NOL4: variants seen among roughly 807,000 people sequenced by gnomAD.
NOL4 encodes nucleolar protein 4.
Under a neutral mutation model 75.9 loss-of-function variants are expected in NOL4, and 17 were observed. The observed-to-expected ratio is 0.22, with a 90% CI of 0.15 to 0.34. The LOEUF (loss-of-function observed/expected upper bound fraction) is 0.34, where lower values mean the gene tolerates loss of function less well. NOL4 is among the 10% of genes least tolerant of loss of function. NOL4 has a pLI of 1.00. For missense variants in NOL4, 614 were observed against 793.5 expected, an observed-to-expected ratio of 0.77 and a Z score of 2.72; for synonymous variants, 292 against 289.9, an observed-to-expected ratio of 1.01 and a Z score of -0.07.
intron 5 of NOL4, among the ~76,000 whole-genome samples, chr18:34,085,816 CTG>C (rs2078215700): frequency 6.6e-6 from 1 of 152,076 alleles, no homozygotes; most frequent in African/African-American, 2.4e-5. Flanking sequence ...GCCTTTTCTT[CTG>C]CTTTTGGAAA....
At chr18:34,089,489 C>G (rs1421476512) in intron 5 of NOL4, among the ~76,000 whole-genome samples, 1 of 152,100 alleles carries the variant, frequency 6.6e-6, no homozygotes, top group Non-Finnish European at 1.5e-5. Context: ...CCACCGGTCA[C>G]ATGTAGCTAT....
chr18:34,013,804 ACT>A (rs1253231894), intron 6 of NOL4, among the ~76,000 whole-genome samples: 2 of 151,402 alleles, frequency 1.3e-5, no homozygotes, highest in African/African-American at 2.4e-5. Context: ...AATGATAGAG[ACT>A]CTTTTTTTTT....
At chr18:33,907,682 A>G (rs1456038450) in intron 9 of NOL4, among the ~76,000 whole-genome samples, 1 of 152,298 alleles carries the variant, frequency 6.6e-6, no homozygotes, top group African/African-American at 2.4e-5. Context: ...TCTGCATAAT[A>G]GCTGTCTAGA....
intron 5 of NOL4, among the ~76,000 whole-genome samples, chr18:34,020,201 C>T (rs1256083872): frequency 6.6e-6 from 1 of 151,578 alleles, no homozygotes; most frequent in African/African-American, 2.4e-5. Flanking sequence ...TAACACAGCA[C>T]ATTTAGGCAC....
intron 1 of NOL4, among the ~76,000 whole-genome samples, chr18:34,202,074 G>A (rs1208423794): frequency 6.6e-6 from 1 of 151,766 alleles, no homozygotes. Context: ...CCTGGATCTG[G>A]TAACCAGTTA....
At chr18:34,204,461 G>A (rs1402344367) in intron 1 of NOL4, among the ~76,000 whole-genome samples, 1 of 151,958 alleles carries the variant, frequency 6.6e-6, no homozygotes. Flanking sequence ...TGAATATGCT[G>A]CATTTTAAGG....
chr18:34,178,988 G>A (rs1041922952), intron 1 of NOL4, among the ~76,000 whole-genome samples: 1 of 151,390 alleles, frequency 6.6e-6, no homozygotes, highest in Non-Finnish European at 1.5e-5. Context: ...AATCATACAA[G>A]GTATGTTTTA....
chr18:33,865,569 AACT>A (rs1415496746), intron 10 of NOL4, among the ~76,000 whole-genome samples: 5 of 152,130 alleles, frequency 3.3e-5, no homozygotes, highest in Non-Finnish European at 5.9e-5. Context: ...ATAAAAAAAA[AACT>A]ACATTTTATT....
At chr18:33,957,301 G>T (rs748493578) in intron 8 of NOL4, 25 bp downstream of exon 8, 141 of 1,589,826 alleles carry the variant, frequency 8.9e-5, no homozygotes, top group African/African-American at 1.2e-4. Context: ...TGGAGTCTAG[G>T]GCTGTGTTTT....
intron 5 of NOL4, among the ~76,000 whole-genome samples, chr18:34,030,258 G>C (rs1234626721): frequency 2.6e-5 from 4 of 152,190 alleles, no homozygotes; most frequent in African/African-American, 9.6e-5. Context: ...CAAAGAAACT[G>C]CATCCTAAGA....
chr18:34,108,902 A>C (rs2079448069), intron 2 of NOL4, among the ~76,000 whole-genome samples: 2 of 152,190 alleles, frequency 1.3e-5, no homozygotes, highest in South Asian at 4.1e-4. Flanking sequence ...CATACTACTC[A>C]CGTGAACAGG....
In NOL4 at chr18:34,169,898, A is replaced by G. The variant is rs1304655261; in HGVS notation, c.265-39878T>C. Among the ~76,000 whole-genome samples the G allele has an allele frequency of 2.0e-5, 3 of 152,318 alleles. No individual in the cohort carries two copies. In the East Asian group the frequency reaches 5.8e-4, roughly 29 times the overall value. On this transcript the variant is annotated intron_variant, in intron 1 of 10. Transcript: ENST00000261592. The stretch of plus-strand genomic sequence containing the variant: ...AATTTTACTATATTTTATACATAAT[A>G]TGCACTAATATACAATTATTTTTCT...
At chr18:34,026,204 G>C (rs1258568088) in intron 5 of NOL4, among the ~76,000 whole-genome samples, 1 of 151,978 alleles carries the variant, frequency 6.6e-6, no homozygotes, top group African/African-American at 2.4e-5. Flanking sequence ...CTTATGACTG[G>C]GTTTAGACAA....
At chr18:34,098,127 G>T (rs1274516299) in intron 4 of NOL4, among the ~76,000 whole-genome samples, 1 of 151,970 alleles carries the variant, frequency 6.6e-6, no homozygotes, top group Non-Finnish European at 1.5e-5. Flanking sequence ...CCTCCCCACT[G>T]CCCCTTACAT....
chr18:34,193,197 CT>C lies in NOL4; in HGVS notation c.264+29792del, dbSNP rs151334894. On this transcript the variant is annotated intron_variant, in intron 1 of 10. Coordinates refer to ENST00000261592, the MANE Select transcript of NOL4 (RefSeq NM_003787.5). ...AAGGAAAAAATTTTATGACATTAGT[CT>C]GGACAATGATTTTTTGATATATACC... is the stretch of plus-strand genomic sequence containing the variant. 2.3e-3 allele frequency among the ~76,000 whole-genome samples: 348 copies of C among 152,084 alleles called. 1 individual carries two copies. The highest frequency in any genetic ancestry group is 8.0e-3 in the African/African-American group (331 of 41,494).
intron 5 of NOL4, among the ~76,000 whole-genome samples, chr18:34,019,810 C>G (rs921726882): frequency 2.0e-5 from 3 of 151,208 alleles, no homozygotes; most frequent in Non-Finnish European, 2.9e-5. Context: ...CTCACTAAAT[C>G]TCACATTAAA....
In NOL4 at chr18:34,218,153, A is replaced by G. The variant is rs1185757747; in HGVS notation, c.264+4837T>C. ...GAAAGTCTTAGCAAACACAACAGCT[A>G]TTAGGAAAAGGTCTTTATAGACTTG... On this transcript the variant is annotated intron_variant, in intron 1 of 10. Transcript: ENST00000261592. 2.6e-5 allele frequency among the ~76,000 whole-genome samples: 4 copies of G among 151,932 alleles called. No individual in the cohort carries two copies. The Middle Eastern group carries it at 0.01, about 393-fold the overall frequency.
At chr18:33,954,090 G>A (rs2069460973) in intron 8 of NOL4, among the ~76,000 whole-genome samples, 1 of 152,092 alleles carries the variant, frequency 6.6e-6, no homozygotes, top group Non-Finnish European at 1.5e-5. Context: ...GGATGCTCAA[G>A]TCCATTACAC....
chr18:33,893,957 T>C (rs1364789704), intron 9 of NOL4, among the ~76,000 whole-genome samples: 1 of 152,136 alleles, frequency 6.6e-6, no homozygotes, highest in Non-Finnish European at 1.5e-5. Flanking sequence ...CCTCTAAGAT[T>C]TTCTACTGGA....
Sources: gnomAD v4.1 joint callset for allele counts (sites outside exome capture counted in the v4.1 genomes callset) on GRCh38, gnomAD v4.1.1 for gene constraint, MANE v1.5 for transcripts, NCBI Gene and HGNC (gene_info 2026-07-23, HGNC 2026-07-21) for gene names.